The following FAM91A1 variants were observed in gnomAD, a reference collection of about 807,000 sequenced individuals.
FAM91A1 encodes the protein protein FAM91A1.
A neutral mutation model predicts 113.5 loss-of-function variants in FAM91A1; 41 were observed. The ratio of observed to expected loss-of-function variants is 0.36; its 90% CI spans 0.28 to 0.47. FAM91A1 has a LOEUF of 0.47. Among genes scored for constraint, FAM91A1 ranks in the 20% least tolerant of loss-of-function variants. The pLI is 1.00. For synonymous variants in FAM91A1, 307 were observed against 347.9 expected (o/e 0.88, Z 1.31); for missense variants, 696 against 1,001.2 (o/e 0.70, Z 4.11).
At position 123,789,759 on chromosome 8, in the gene FAM91A1, A is replaced by G. The variant is rs950709157; in HGVS notation, c.1411+14A>G. The G allele has an allele frequency of 3.1e-6, 5 of 1,604,560 alleles. No individual in the cohort carries two copies. The highest frequency in any genetic ancestry group is 4.3e-6 in the Non-Finnish European group (5 of 1,175,302). On this transcript the variant is annotated intron_variant, in intron 15 of 23. Coordinates refer to ENST00000334705, the MANE Select transcript of FAM91A1 (RefSeq NM_144963.4). ...AACCCAATTATGGTATGATAAATAT[A>G]TTTAATTTTGAAGACATGATCATAT...
In FAM91A1 at chr8:123,785,653, T is replaced by C. The variant is rs1815234035; in HGVS notation, c.874T>C (p.Leu292=). The C allele has an allele frequency of 6.2e-7, 1 of 1,604,652 alleles. No homozygotes were observed. The highest frequency in any genetic ancestry group is 8.5e-7 in the Non-Finnish European group (1 of 1,177,408). The change falls in exon 11 of 24, where the codon TTG becomes CTG. Residue 292 remains leucine, a synonymous_variant. Transcript: ENST00000334705. The part of the protein sequence containing the change: ...VKNAVSMYCR[L]GFAHKKGQVI... ...GAATGCTGTTTCAATGTATTGCCGA[T>C]TGGGCTTTGCCCATAAGAAGGGACA...
At chr8:123,792,116 A>G (rs558192918) in intron 15 of FAM91A1, among the ~76,000 whole-genome samples, 2 of 152,178 alleles carry the variant, frequency 1.3e-5, no homozygotes, top group Admixed American at 6.5e-5. Flanking sequence ...CTGAGGTTGC[A>G]GTGAGCTGAA....
At chr8:123,796,033 G>A (rs1815511056) in intron 15 of FAM91A1, among the ~76,000 whole-genome samples, 1 of 152,156 alleles carries the variant, frequency 6.6e-6, no homozygotes, top group Non-Finnish European at 1.5e-5. Context: ...GTAAGGGACT[G>A]CCTTTTAAAG....
chr8:123,774,327 C>T (rs1195316540), intron 2 of FAM91A1, among the ~76,000 whole-genome samples, 163 bp downstream of exon 2: 1 of 152,068 alleles, frequency 6.6e-6, no homozygotes. Context: ...TTTGTATTAG[C>T]AAGTAGATTT....
Position 123,774,109 on chromosome 8 carries a change from A to G in FAM91A1, c.102A>G (p.Glu34=). The change falls in exon 2 of 24, where the codon GAA becomes GAG. Residue 34 remains glutamate (E), a synonymous_variant. Transcript: ENST00000334705. ...QSLGNSQREY[E]KQVVLYSIRN... ...TTGGAAATTCACAGAGAGAATATGA[A>G]AAGCAGGTTGTCCTGTACAGTATCC... The G allele has an allele frequency of 1.9e-6, 3 of 1,608,524 alleles. No individual in the cohort carries two copies. The highest frequency in any genetic ancestry group is 2.5e-6 in the Non-Finnish European group (3 of 1,178,022).
chr8:123,781,418 G>T (rs1393310829), intron 8 of FAM91A1, among the ~76,000 whole-genome samples: 2 of 151,426 alleles, frequency 1.3e-5, no homozygotes, highest in Non-Finnish European at 2.9e-5. Flanking sequence ...AGACCTTTGG[G>T]TTGGCATATG....
chr8:123,779,697 G>A (rs1395805530), intron 6 of FAM91A1, among the ~76,000 whole-genome samples: 7 of 152,156 alleles, frequency 4.6e-5, no homozygotes, highest in South Asian at 2.1e-4. Context: ...TTCTGAATTG[G>A]CAGATGGATC....
chr8:123,787,218 A>G (rs756133827), intron 12 of FAM91A1, 43 bp from the exon 13 acceptor site: 17 of 1,398,214 alleles, frequency 1.2e-5, no homozygotes, highest in Non-Finnish European at 9.1e-6. Context: ...GTAAGCAAAG[A>G]ATAATTTCCA....
At chr8:123,788,162 G>A (rs1051825366) in intron 14 of FAM91A1, 40 of 978,704 alleles carry the variant, frequency 4.1e-5, no homozygotes, top group Non-Finnish European at 4.9e-5. Flanking sequence ...CAATATCCCT[G>A]GGTATCATAT....
intron 23 of FAM91A1, chr8:123,810,599 G>T: frequency 1.8e-6 from 1 of 554,188 alleles, no homozygotes; most frequent in Non-Finnish European, 3.2e-6. Context: ...TGTGTTAAGT[G>T]TCTTTTATGG....
intron 10 of FAM91A1, 68 bp downstream of exon 10, chr8:123,785,187 T>A: frequency 7.8e-7 from 1 of 1,275,838 alleles, no homozygotes; most frequent in African/African-American, 1.5e-5. Context: ...TAGATTTTTA[T>A]CTTGATAAGC....
At chr8:123,778,207 A>T in intron 5 of FAM91A1, 115 bp downstream of exon 5, 1 of 727,476 alleles carries the variant, frequency 1.4e-6, no homozygotes, top group Non-Finnish European at 2.2e-6. Context: ...TGTACTTAAC[A>T]CAGAAACAAT....
chr8:123,770,254 A>G (rs994806683), intron 1 of FAM91A1, among the ~76,000 whole-genome samples: 2 of 152,202 alleles, frequency 1.3e-5, no homozygotes, highest in African/African-American at 2.4e-5. Context: ...CCCAGCCAGT[A>G]TGAGGATTGT....
chr8:123,810,680 G>GT, intron 23 of FAM91A1: 2 of 332,688 alleles, frequency 6.0e-6, no homozygotes, highest in Non-Finnish European at 5.4e-6. Context: ...ATTCTCCACT[G>GT]CTGGGATGGG....
At chr8:123,770,902 CTCTAG>C (rs770136731) in intron 1 of FAM91A1, among the ~76,000 whole-genome samples, 2 of 152,202 alleles carry the variant, frequency 1.3e-5, no homozygotes, top group South Asian at 4.1e-4. Context: ...CAAGGACCTT[CTCTAG>C]CCTAATCACT....
At chr8:123,786,723 T>G (rs1189044438) in intron 12 of FAM91A1, 113 bp downstream of exon 12, 1 of 813,690 alleles carries the variant, frequency 1.2e-6, no homozygotes, top group African/African-American at 1.7e-5. Context: ...CAATACGCAG[T>G]CTTTGAGTGT....
chr8:123,772,308 T>G (rs951925019), intron 1 of FAM91A1, among the ~76,000 whole-genome samples: 1 of 152,218 alleles, frequency 6.6e-6, no homozygotes, highest in Non-Finnish European at 1.5e-5. Context: ...TTAGCAAAAT[T>G]GTGTGCTTGT....
At chr8:123,771,197 TGTCATAGAGCTTACCCC>T (rs1474613301) in intron 1 of FAM91A1, among the ~76,000 whole-genome samples, 2 of 152,232 alleles carry the variant, frequency 1.3e-5, no homozygotes, top group Non-Finnish European at 2.9e-5. Flanking sequence ...ATTCCTCACC[TGTCATAGAGCTTACCCC>T]GCTATGGTGC....
chr8:123,789,692 G>A lies in FAM91A1; in HGVS notation c.1358G>A (p.Arg453His), dbSNP rs754338365. Residue 453 changes from arginine to histidine, a missense_variant, in exon 15 of 24, where the codon CGT becomes CAT. Transcript: ENST00000334705. ...CTGAGAAACACAATACTGTTTCTGC[G>A]TCATAACAAAGATCTAGTTGCGCAA... ...LTLRNTILFL[R>H]HNKDLVAQTA... 7.4e-6 allele frequency: 12 copies of A among 1,613,120 alleles called. No individual in the cohort carries two copies. The highest frequency in any genetic ancestry group is 2.2e-5 in the South Asian group (2 of 91,018).
Sources: gnomAD v4.1 joint callset for allele counts (sites outside exome capture counted in the v4.1 genomes callset) on GRCh38, gnomAD v4.1.1 for gene constraint, MANE v1.5 for transcripts, NCBI Gene and HGNC (gene_info 2026-07-23, HGNC 2026-07-21) for gene names.